Variants in TTC28 observed in about 807,000 individuals in gnomAD.
TTC28 encodes the protein tetratricopeptide repeat protein 28.
A neutral mutation model predicts 198.0 loss-of-function variants in TTC28; 61 were observed. That is an observed-to-expected ratio of 0.31 (90% CI 0.25 to 0.38). The LOEUF is 0.38. Among genes scored for constraint, TTC28 ranks in the 10% least tolerant of loss-of-function variants. The pLI is 1.00. For synonymous variants in TTC28, 1,171 were observed against 1,297.8 expected (o/e 0.90, Z 2.10); for missense variants, 2,678 against 3,164.0 (o/e 0.85, Z 3.69).
chr22:28,137,506 T>C (rs1943226439), intron 6 of TTC28, among the ~76,000 whole-genome samples: 1 of 152,060 alleles, frequency 6.6e-6, no homozygotes, highest in Admixed American at 6.6e-5. Flanking sequence ...AAACAAACAC[T>C]GTGAGTAGTT....
chr22:27,996,111 G>A (rs1421846171), intron 17 of TTC28, 24 bp downstream of exon 17: 11 of 1,541,928 alleles, frequency 7.1e-6, no homozygotes, highest in South Asian at 4.8e-5. Context: ...CTCTCGTTGA[G>A]TGCAGGGTGC....
chr22:28,527,968 T>C (rs2049041958), intron 2 of TTC28, among the ~76,000 whole-genome samples: 1 of 152,100 alleles, frequency 6.6e-6, no homozygotes, highest in Non-Finnish European at 1.5e-5. Flanking sequence ...CAAGTGTGCA[T>C]GTAAGCTCAG....
At chr22:28,095,129 G>C (rs951804898) in intron 11 of TTC28, among the ~76,000 whole-genome samples, 1 of 152,060 alleles carries the variant, frequency 6.6e-6, no homozygotes, top group African/African-American at 2.4e-5. Flanking sequence ...GTACCACTCT[G>C]GGAGCTGGGA....
intron 2 of TTC28, among the ~76,000 whole-genome samples, chr22:28,554,269 C>A (rs2145974273): frequency 6.6e-6 from 1 of 151,552 alleles, no homozygotes; most frequent in East Asian, 1.9e-4. Context: ...CTAGGAAAAC[C>A]AGAGACCTTT....
At chr22:28,289,061 T>C (rs954699538) in intron 5 of TTC28, among the ~76,000 whole-genome samples, 1 of 152,170 alleles carries the variant, frequency 6.6e-6, no homozygotes, top group Non-Finnish European at 1.5e-5. Context: ...AGGAGGGTAC[T>C]GCAACAGTCT....
At chr22:28,291,749 A>G (rs1275417655) in intron 5 of TTC28, among the ~76,000 whole-genome samples, 5 of 152,334 alleles carry the variant, frequency 3.3e-5, no homozygotes, top group African/African-American at 7.2e-5. Flanking sequence ...ACCTACAAGG[A>G]TATTTTTCCA....
intron 2 of TTC28, among the ~76,000 whole-genome samples, chr22:28,307,209 G>A (rs1302128378): frequency 6.6e-6 from 1 of 151,992 alleles, no homozygotes; most frequent in Non-Finnish European, 1.5e-5. Flanking sequence ...TGTGTGCTTT[G>A]CTTAGAAACC....
intron 12 of TTC28, among the ~76,000 whole-genome samples, chr22:28,088,626 T>C (rs1456424231): frequency 6.6e-6 from 1 of 151,998 alleles, no homozygotes. Flanking sequence ...GTATAAAACA[T>C]CAAAAGCAAT....
intron 5 of TTC28, among the ~76,000 whole-genome samples, chr22:28,171,954 C>T (rs1394113720): frequency 2.0e-5 from 3 of 152,144 alleles, no homozygotes; most frequent in African/African-American, 4.8e-5. Flanking sequence ...ACTGCTTCCA[C>T]CTCCACCCAT....
chr22:28,395,722 T>C (rs1187810680), intron 2 of TTC28, among the ~76,000 whole-genome samples: 3 of 152,112 alleles, frequency 2.0e-5, no homozygotes, highest in Non-Finnish European at 4.4e-5. Context: ...CACATCCTTG[T>C]AGGACTGTTT....
chr22:28,118,998 G>A (rs908728057), intron 6 of TTC28, among the ~76,000 whole-genome samples: 1 of 152,178 alleles, frequency 6.6e-6, no homozygotes, highest in Non-Finnish European at 1.5e-5. Context: ...TAATTGGTGT[G>A]TCCCCTGAGC....
intron 3 of TTC28, among the ~76,000 whole-genome samples, chr22:28,306,126 T>C (rs892980420): frequency 3.9e-5 from 6 of 152,338 alleles, no homozygotes; most frequent in African/African-American, 1.4e-4. Context: ...TGAGATTCAA[T>C]TTCCTACTAA....
intron 5 of TTC28, among the ~76,000 whole-genome samples, chr22:28,187,565 G>A (rs1489825324): frequency 1.3e-5 from 2 of 152,212 alleles, no homozygotes; most frequent in African/African-American, 4.8e-5. Flanking sequence ...ACATCCAGAT[G>A]TGTCCAGGTG....
intron 12 of TTC28, among the ~76,000 whole-genome samples, chr22:28,060,329 T>C (rs941083645): frequency 1.3e-5 from 2 of 152,196 alleles, no homozygotes; most frequent in African/African-American, 4.8e-5. Context: ...TTCCCACCTA[T>C]GAATGAGAAC....
chr22:28,471,575 A>C (rs2048096801), intron 2 of TTC28, among the ~76,000 whole-genome samples: 1 of 152,182 alleles, frequency 6.6e-6, no homozygotes, highest in Non-Finnish European at 1.5e-5. Flanking sequence ...AGGGAGCATG[A>C]AAGGGCACAA....
intron 2 of TTC28, among the ~76,000 whole-genome samples, chr22:28,491,910 C>G (rs899229183): frequency 1.3e-5 from 2 of 152,102 alleles, no homozygotes; most frequent in African/African-American, 4.8e-5. Context: ...CACATATACA[C>G]CACGGAATAT....
At chr22:28,077,284 T>C (rs529326924) in intron 12 of TTC28, among the ~76,000 whole-genome samples, 7 of 152,324 alleles carry the variant, frequency 4.6e-5, no homozygotes, top group African/African-American at 1.7e-4. Context: ...GGTATGTACA[T>C]ATGCGATCTA....
chr22:28,482,876 C>T (rs1871287914), intron 2 of TTC28, among the ~76,000 whole-genome samples: 1 of 152,174 alleles, frequency 6.6e-6, no homozygotes, highest in Admixed American at 6.5e-5. Flanking sequence ...GTTTTTGAGG[C>T]TCATTCATGT....
chr22:28,259,626 A>G (rs1289853529), intron 5 of TTC28, among the ~76,000 whole-genome samples: 1 of 152,084 alleles, frequency 6.6e-6, no homozygotes, highest in East Asian at 1.9e-4. Context: ...AATGTGTTGC[A>G]TGTTCAATGG....
Sources: allele counts gnomAD v4.1 joint callset (sites outside exome capture counted in the v4.1 genomes callset), GRCh38; gene constraint gnomAD v4.1.1; transcripts MANE v1.5; gene names NCBI Gene and HGNC (gene_info 2026-07-23, HGNC 2026-07-21).